KLF12: variants seen among roughly 807,000 people sequenced by gnomAD.
KLF12 encodes the protein Krueppel-like factor 12.
A neutral mutation model predicts 37.8 loss-of-function variants in KLF12; 9 were observed. The observed-to-expected ratio is 0.24, with a 90% confidence interval of 0.14 to 0.42. The LOEUF is 0.42. KLF12 is among the 10% of genes least tolerant of loss of function. The probability of loss-of-function intolerance (pLI) is 1.00; values close to 1 mark genes in which losing one functional copy is unlikely to be tolerated. For missense variants in KLF12, 411 were observed against 516.0 expected, an observed-to-expected ratio of 0.80 and a Z score of 1.97; for synonymous variants, 208 against 202.1, an observed-to-expected ratio of 1.03 and a Z score of -0.25.
intron 5 of KLF12, among the ~76,000 whole-genome samples, chr13:73,809,372 C>T (rs1403929766): frequency 6.6e-6 from 1 of 151,484 alleles, no homozygotes; most frequent in Non-Finnish European, 1.5e-5. Context: ...GAAAGACAAA[C>T]AGAAAAAGAA....
chr13:73,805,896 C>T (rs570060939), intron 5 of KLF12, among the ~76,000 whole-genome samples: 1 of 152,192 alleles, frequency 6.6e-6, no homozygotes, highest in South Asian at 2.1e-4. Flanking sequence ...CCTCCACCTC[C>T]TGGGTTCAAG....
intron 3 of KLF12, among the ~76,000 whole-genome samples, chr13:73,918,589 A>C (rs1250648457): frequency 6.6e-6 from 1 of 152,204 alleles, no homozygotes; most frequent in Non-Finnish European, 1.5e-5. Flanking sequence ...TGTGAGCTAG[A>C]TATAACCCAA....
intron 3 of KLF12, among the ~76,000 whole-genome samples, chr13:73,880,403 C>T (rs1393561359): frequency 1.3e-5 from 2 of 152,164 alleles, no homozygotes; most frequent in Non-Finnish European, 2.9e-5. Flanking sequence ...GACACATCAG[C>T]ATGGTAAAGT....
intron 6 of KLF12, among the ~76,000 whole-genome samples, chr13:73,723,695 A>AT (rs1876444314): frequency 6.6e-6 from 1 of 152,190 alleles, no homozygotes; most frequent in Non-Finnish European, 1.5e-5. Context: ...GCTAAATTTT[A>AT]AAAATAAGTT....
intron 1 of KLF12, among the ~76,000 whole-genome samples, chr13:74,053,492 C>T (rs879747005): frequency 2.0e-5 from 3 of 152,096 alleles, no homozygotes; most frequent in Non-Finnish European, 2.9e-5. Context: ...GGGTTCACAT[C>T]GCTGTTTCAT....
chr13:74,044,576 G>T (rs191346777), intron 1 of KLF12, among the ~76,000 whole-genome samples: 2 of 152,138 alleles, frequency 1.3e-5, no homozygotes, highest in African/African-American at 4.8e-5. Context: ...GCTGGGCATG[G>T]TGGCTCACGT....
At chr13:73,742,354 A>G (rs1233056354) in intron 6 of KLF12, among the ~76,000 whole-genome samples, 2 of 152,202 alleles carry the variant, frequency 1.3e-5, no homozygotes, top group African/African-American at 4.8e-5. Flanking sequence ...AGCTCAAAAT[A>G]TAGAGTGTAT....
In KLF12 at chr13:73,855,714, G is replaced by A. The variant is rs191320937; in HGVS notation, c.124-9341C>T. ...CTAATTTACATTCCCAACCAAGGGC[G>A]TATAAGCACCTCATTTTCTCTGGGG... On this transcript the variant is annotated intron_variant, in intron 3 of 7. Coordinates refer to ENST00000377669, the MANE Select transcript of KLF12 (RefSeq NM_007249.5). Among the ~76,000 whole-genome samples, 264 of 152,192 alleles carry A rather than the reference G, an allele frequency of 1.7e-3. 1 individual carries two copies. Among genetic ancestry groups the A allele is most frequent in the Non-Finnish European group, 3.2e-3 (221 of 68,020 alleles).
chr13:73,702,248 G>C (rs1456887619), intron 7 of KLF12, among the ~76,000 whole-genome samples: 3 of 152,114 alleles, frequency 2.0e-5, no homozygotes, highest in African/African-American at 7.2e-5. Flanking sequence ...GAAAACGGCT[G>C]TCTCTTTCAA....
chr13:73,731,291 A>T (rs1220241534), intron 6 of KLF12, among the ~76,000 whole-genome samples: 1 of 152,190 alleles, frequency 6.6e-6, no homozygotes, highest in Non-Finnish European at 1.5e-5. Flanking sequence ...GCTAATGATT[A>T]AAATTAATCT....
intron 5 of KLF12, among the ~76,000 whole-genome samples, chr13:73,765,490 AC>A (rs1206893484): frequency 6.6e-6 from 1 of 152,220 alleles, no homozygotes; most frequent in African/African-American, 2.4e-5. Flanking sequence ...ATCTGCAGGC[AC>A]AGGGAAGGAA....
At chr13:74,197,803 C>T in the KLF12 span, among the ~76,000 whole-genome samples, 1 of 152,094 alleles carries the variant, frequency 6.6e-6, no homozygotes. Flanking sequence ...TTTTCATATT[C>T]TGTAAATTTT....
the KLF12 span, among the ~76,000 whole-genome samples, chr13:74,288,271 T>C: frequency 6.6e-6 from 1 of 152,206 alleles, no homozygotes; most frequent in African/African-American, 2.4e-5. Flanking sequence ...GGTCTTAAGC[T>C]GAAGCATTTC....
chr13:74,227,993 A>C, the KLF12 span, among the ~76,000 whole-genome samples: 1 of 152,140 alleles, frequency 6.6e-6, no homozygotes, highest in Non-Finnish European at 1.5e-5. Context: ...TGTTTAAGTT[A>C]ATCAGTAACT....
At chr13:73,920,268 C>T (rs1287950483) in intron 3 of KLF12, among the ~76,000 whole-genome samples, 1 of 151,980 alleles carries the variant, frequency 6.6e-6, no homozygotes, top group Admixed American at 6.6e-5. Context: ...TCTGCATAAA[C>T]ATACACATAT....
intron 1 of KLF12, among the ~76,000 whole-genome samples, chr13:74,051,341 A>ACACACACACACAC (rs1872911332): frequency 7.0e-6 from 1 of 143,690 alleles, no homozygotes; most frequent in Non-Finnish European, 1.5e-5. Flanking sequence ...TACACACACA[A>ACACACACACACAC]ACACACACAC....
the KLF12 span, among the ~76,000 whole-genome samples, chr13:74,184,316 T>A: frequency 6.6e-6 from 1 of 152,200 alleles, no homozygotes; most frequent in East Asian, 1.9e-4. Flanking sequence ...ATAGTTATAA[T>A]CTCAGTCTGC....
chr13:74,055,267 T>C (rs1383381101), intron 1 of KLF12, among the ~76,000 whole-genome samples: 1 of 152,238 alleles, frequency 6.6e-6, no homozygotes, highest in East Asian at 1.9e-4. Context: ...TAGACTTCTA[T>C]TTCTCAAATC....
At position 73,693,988 on chromosome 13, in the gene KLF12, C is replaced by T. The variant is rs1007778865; in HGVS notation, c.*1502G>A. 2.0e-5 allele frequency: 3 copies of T among 152,608 alleles called. No homozygotes were observed. The highest frequency in any genetic ancestry group is 7.2e-5 in the African/African-American group (3 of 41,442). The allele number at this position is 152,608 out of a possible 1,614,324, so 9.5% of individuals were successfully genotyped here. A position where few individuals can be genotyped will look rare whatever the true frequency, so the allele number is the denominator to read the frequency against. On this transcript the variant is annotated 3_prime_UTR_variant, in exon 8 of 8. Transcript: ENST00000377669. ...AATTTTATGGGGCTGATGGAACTAACACCTTCCTCTCATCCTCTGCACAGG... is the reference window on the plus strand; with the variant it reads ...AATTTTATGGGGCTGATGGAACTAATACCTTCCTCTCATCCTCTGCACAGG...
Sources: allele counts gnomAD v4.1 joint callset (sites outside exome capture counted in the v4.1 genomes callset), GRCh38; gene constraint gnomAD v4.1.1; transcripts MANE v1.5; gene names NCBI Gene and HGNC (gene_info 2026-07-23, HGNC 2026-07-21).